GIGYF2: variants seen among roughly 807,000 people sequenced by gnomAD.
GIGYF2 encodes GRB10-interacting GYF protein 2.
In GIGYF2, 25 loss-of-function variants were observed where a neutral mutation model predicts 208.1. The ratio of observed to expected loss-of-function variants is 0.12; its 90% confidence interval spans 0.09 to 0.17. The LOEUF is 0.17. Among genes scored for constraint, GIGYF2 ranks in the 10% least tolerant of loss-of-function variants. GIGYF2 has a pLI of 1.00. For synonymous variants in GIGYF2, 534 were observed against 543.8 expected, an observed-to-expected ratio of 0.98 and a Z score of 0.25; for missense variants, 1,302 against 1,579.4, an observed-to-expected ratio of 0.82 and a Z score of 2.98.
At chr2:232,779,019 A>T (rs1699622690) in intron 8 of GIGYF2, among the ~76,000 whole-genome samples, 1 of 152,178 alleles carries the variant, frequency 6.6e-6, no homozygotes, top group Non-Finnish European at 1.5e-5. Context: ...AAGTTCTCTC[A>T]GTTTGCAGTA....
intron 20 of GIGYF2, among the ~76,000 whole-genome samples, chr2:232,817,843 G>A (rs964379781): frequency 2.6e-5 from 4 of 152,302 alleles, no homozygotes; most frequent in African/African-American, 7.2e-5. Flanking sequence ...GAACACGGGT[G>A]TATAGATACC....
chr2:232,776,379 T>G (rs1441611427), intron 8 of GIGYF2: 1 of 1,233,098 alleles, frequency 8.1e-7, no homozygotes, highest in East Asian at 2.4e-5. Context: ...TGTTGCTATT[T>G]GCCAGTCAGT....
chr2:232,806,089 T>C lies in GIGYF2; in HGVS notation c.1640-402T>C, dbSNP rs1700553045. On this transcript the variant is annotated intron_variant, in intron 14 of 28. Transcript: ENST00000373563. The surrounding 1 kb of genome is among the most constrained non-coding windows in gnomAD (Gnocchi z 4.0). ...TTATTGTTTACATTTTGCCCCACTT[T>C]CGCTAATCTATGGCAGAAAATGAAA... Among the ~76,000 whole-genome samples the C allele has an allele frequency of 6.6e-6, 1 of 152,252 alleles. No individual in the cohort carries two copies. The highest frequency in any genetic ancestry group is 2.4e-5 in the African/African-American group (1 of 41,466).
chr2:232,857,025 A>C lies in GIGYF2; in HGVS notation c.*165A>C. 1 of 680,778 alleles carries C rather than the reference A, an allele frequency of 1.5e-6. No individual in the cohort carries two copies. Among genetic ancestry groups the C allele is most frequent in the Non-Finnish European group, 2.7e-6 (1 of 372,688 alleles). The allele number at this position is 680,778 out of a possible 1,614,324, so 42.2% of individuals were successfully genotyped here. A position where few individuals can be genotyped will look rare whatever the true frequency, so the allele number is the denominator to read the frequency against. ...TGGCCCTTTGTGTCCAAGATTCTTT[A>C]ATCCATTTTTGTTGGTGAACATCTC... On this transcript the variant is annotated 3_prime_UTR_variant, in exon 29 of 29. Coordinates refer to ENST00000373563, the MANE Select transcript of GIGYF2 (RefSeq NM_001103146.3).
chr2:232,737,310 G>A (rs1374341439), intron 3 of GIGYF2, among the ~76,000 whole-genome samples: 1 of 152,140 alleles, frequency 6.6e-6, no homozygotes, highest in Non-Finnish European at 1.5e-5. Flanking sequence ...TTGGCTCAGT[G>A]TTTTGTATAA....
chr2:232,711,709 A>G (rs752968060), intron 2 of GIGYF2, among the ~76,000 whole-genome samples: 9 of 135,688 alleles, frequency 6.6e-5, no homozygotes, highest in African/African-American at 2.3e-4. Flanking sequence ...AATGATGTAT[A>G]TATATATATA....
chr2:232,816,647 G>A (rs1303617866), intron 19 of GIGYF2, among the ~76,000 whole-genome samples: 1 of 152,194 alleles, frequency 6.6e-6, no homozygotes, highest in African/African-American at 2.4e-5. Context: ...TGTTGATGTT[G>A]TAGCGTATGT....
At chr2:232,736,279 T>C (rs915044784) in intron 3 of GIGYF2, 1 of 600,234 alleles carries the variant, frequency 1.7e-6, no homozygotes. Context: ...ATTTTTAAAA[T>C]GATTTTCTTA....
In GIGYF2 at chr2:232,815,712, A is replaced by C; in HGVS notation, c.2183A>C (p.Gln728Pro). Residue 728 changes from glutamine (Q) to proline (P), a missense_variant, in exon 19 of 29, where the codon CAG (glutamine) becomes CCG (proline). This residue lies in a region of GIGYF2 where 701 missense variants were observed against 793.0 expected (regional missense o/e 0.88). Transcript: ENST00000373563. ...TPGPALEQLQ[Q>P]LEKAKAAKLE... ...GGCCCTGCCCTGGAACAGCTTCAGC[A>C]GCTAGAGAAGGCCAAAGCTGCAAAG... 3.1e-6 allele frequency: 5 copies of C among 1,601,426 alleles called. No homozygotes were observed. The highest frequency in any genetic ancestry group is 4.3e-6 in the Non-Finnish European group (5 of 1,168,396).
intron 22 of GIGYF2, among the ~76,000 whole-genome samples, chr2:232,833,880 C>CTTT (rs79831639): frequency 7.1e-6 from 1 of 140,504 alleles, no homozygotes; most frequent in Non-Finnish European, 1.6e-5. Flanking sequence ...GGATTCAAAA[C>CTTT]TTTTTTTTTT....
intron 8 of GIGYF2, among the ~76,000 whole-genome samples, chr2:232,778,006 G>T (rs949019590): frequency 6.6e-6 from 1 of 152,012 alleles, no homozygotes. Context: ...GAGTGCAGTG[G>T]TGTGATCACA....
Position 232,770,811 on chromosome 2 carries a change from A to G in GIGYF2, c.532+9375A>G, listed in dbSNP as rs747308840. Reference sequence around the variant, plus strand: ...AGATAAATTATTCTGTAACAGCATTACTTATAACTGACTATACCCTTTCCA... The same window carrying G: ...AGATAAATTATTCTGTAACAGCATTGCTTATAACTGACTATACCCTTTCCA... On this transcript the variant is annotated intron_variant, in intron 8 of 28. Transcript: ENST00000373563. 1.6e-5 allele frequency: 13 copies of G among 834,416 alleles called. No individual in the cohort carries two copies. The African/African-American group carries it at 2.0e-4, about 13-fold the overall frequency. 51.7% of individuals were successfully genotyped at this position (834,416 alleles called of 1,614,324 possible).
At chr2:232,784,078 A>G (rs1699816500) in intron 8 of GIGYF2, among the ~76,000 whole-genome samples, 1 of 152,206 alleles carries the variant, frequency 6.6e-6, no homozygotes, top group Non-Finnish European at 1.5e-5. Context: ...AGCTCCCTGA[A>G]ATTCAGCATC....
intron 2 of GIGYF2, among the ~76,000 whole-genome samples, chr2:232,704,963 A>C (rs943258279): frequency 7.0e-6 from 1 of 142,326 alleles, no homozygotes; most frequent in Non-Finnish European, 1.5e-5. Flanking sequence ...GGGTTCACGC[A>C]ATTCTCCTGC....
intron 22 of GIGYF2, among the ~76,000 whole-genome samples, chr2:232,836,470 G>T (rs1176619378): frequency 7.1e-6 from 1 of 140,610 alleles, no homozygotes; most frequent in Non-Finnish European, 1.5e-5. Context: ...GGAGGCTGAG[G>T]TGGGAAGATC....
chr2:232,830,558 C>T (rs547309931), intron 21 of GIGYF2, among the ~76,000 whole-genome samples: 6 of 152,306 alleles, frequency 3.9e-5, no homozygotes, highest in South Asian at 4.1e-4. Context: ...TAATATCTTA[C>T]ATGAGTATGG....
chr2:232,803,125 A>G (rs979301292), intron 14 of GIGYF2, among the ~76,000 whole-genome samples: 40 of 152,206 alleles, frequency 2.6e-4, no homozygotes, highest in African/African-American at 7.0e-4. Flanking sequence ...TCCTGACCTC[A>G]GATAATCTGC....
At chr2:232,801,034 C>A (rs761006475) in intron 14 of GIGYF2, among the ~76,000 whole-genome samples, 2 of 151,990 alleles carry the variant, frequency 1.3e-5, no homozygotes, top group South Asian at 2.1e-4. Context: ...TGAGCCATTG[C>A]GCCGAGCCAA....
rs1056113251 is a variant in GIGYF2, at chr2:232,747,517, C to T, written c.42-98C>T. ...TGAGATAGTAGGATTTCTTTTTGCT[C>T]TTCTAAAGAACTAAAATGAATTTTT... On this transcript the variant is annotated intron_variant, in intron 3 of 28. Coordinates refer to ENST00000373563, the MANE Select transcript of GIGYF2 (RefSeq NM_001103146.3). The T allele has an allele frequency of 4.6e-6, 6 of 1,317,502 alleles. No homozygotes were observed. The African/African-American group carries it at 5.8e-5, about 13-fold the overall frequency. The allele number at this position is 1,317,502 out of a possible 1,614,324, so 81.6% of individuals were successfully genotyped here.
Sources: allele counts gnomAD v4.1 joint callset (sites outside exome capture counted in the v4.1 genomes callset), GRCh38; gene constraint gnomAD v4.1.1; regional missense constraint gnomAD v4.1.1; non-coding constraint Gnocchi (gnomAD v3.1); transcripts MANE v1.5; gene names NCBI Gene and HGNC (gene_info 2026-07-23, HGNC 2026-07-21).